Variants in COL19A1 observed in about 807,000 individuals in gnomAD.
The protein encoded by COL19A1 is collagen alpha-1(XIX) chain.
In COL19A1, 159 loss-of-function variants were observed where a neutral mutation model predicts 190.2. The observed-to-expected ratio is 0.84, with a 90% CI of 0.73 to 0.95. The LOEUF is 0.95. COL19A1 is among the 40% of genes least tolerant of loss of function. The probability of loss-of-function intolerance (pLI) is 0.00; values close to 1 mark genes in which losing one functional copy is unlikely to be tolerated. For missense variants in COL19A1, 1,418 were observed against 1,431.9 expected (o/e 0.99, Z 0.16); for synonymous variants, 509 against 458.9 (o/e 1.11, Z -1.39).
rs528863642 is a variant in COL19A1, at chr6:69,964,745, A to G, written c.1026+1875A>G. Among the ~76,000 whole-genome samples the G allele has an allele frequency of 2.0e-5, 3 of 152,298 alleles. No homozygotes were observed. The South Asian group carries it at 6.2e-4, about 32-fold the overall frequency. On this transcript the variant is annotated intron_variant, in intron 11 of 50. Transcript: ENST00000620364. ...TATATTAGAAAAAAATAAAGCATCA[A>G]ACAGAAAAGACAATATGTACCTTGA...
chr6:69,912,534 G>A (rs1425925210), intron 4 of COL19A1, among the ~76,000 whole-genome samples: 1 of 152,154 alleles, frequency 6.6e-6, no homozygotes, highest in Non-Finnish European at 1.5e-5. Flanking sequence ...CTCTCTCCAT[G>A]CAAATGCTAC....
In COL19A1 at chr6:69,997,633, G is replaced by A. The variant is rs564709112; in HGVS notation, c.1027-25994G>A. On this transcript the variant is annotated intron_variant, in intron 11 of 50. Transcript: ENST00000620364. ...CTAGCTAGACTCACAGTAGATTTGAGGTGGCAGAAGGAAAAATCAGTGAAC... is the reference window on the plus strand; with the variant it reads ...CTAGCTAGACTCACAGTAGATTTGAAGTGGCAGAAGGAAAAATCAGTGAAC... 2.0e-5 allele frequency among the ~76,000 whole-genome samples: 3 copies of A among 152,214 alleles called. No homozygotes were observed. In the East Asian group the frequency reaches 5.8e-4, roughly 29 times the overall value.
intron 11 of COL19A1, among the ~76,000 whole-genome samples, chr6:70,020,113 G>C (rs1380027140): frequency 6.6e-6 from 1 of 151,940 alleles, no homozygotes; most frequent in Non-Finnish European, 1.5e-5. Context: ...ATTATTAATT[G>C]CCATCTAGAA....
At chr6:70,098,518 T>A in intron 15 of COL19A1, 2 of 465,842 alleles carry the variant, frequency 4.3e-6, no homozygotes, top group Admixed American at 4.5e-5. Flanking sequence ...TATTATTTCA[T>A]CTTTAAGCCT....
At chr6:69,984,539 A>G (rs768864641) in intron 11 of COL19A1, among the ~76,000 whole-genome samples, 3 of 152,066 alleles carry the variant, frequency 2.0e-5, no homozygotes, top group Non-Finnish European at 2.9e-5. Flanking sequence ...TAATATTTAC[A>G]TCCTGTTCTT....
intron 2 of COL19A1, among the ~76,000 whole-genome samples, chr6:69,892,418 T>C (rs538605764): frequency 4.8e-4 from 73 of 152,362 alleles, no homozygotes; most frequent in African/African-American, 1.7e-3. Context: ...ATGATTTCTC[T>C]CTCTCCAGTC....
rs898862270 is a variant in COL19A1, at chr6:70,036,003, C to T, written c.1170+64C>T. 8.3e-6 allele frequency: 12 copies of T among 1,454,432 alleles called. No individual in the cohort carries two copies. In the African/African-American group the frequency reaches 1.7e-4, roughly 20 times the overall value. The allele number at this position is 1,454,432 out of a possible 1,614,324, so 90.1% of individuals were successfully genotyped here. ...ATTATTCTGTTTATTATCCATATTA[C>T]ATCATGACTAAACCAGAATTTAAGT... On this transcript the variant is annotated intron_variant, in intron 14 of 50. Coordinates refer to ENST00000620364, the MANE Select transcript of COL19A1 (RefSeq NM_001858.6).
At chr6:69,921,423 A>G (rs1433676110) in intron 4 of COL19A1, among the ~76,000 whole-genome samples, 1 of 127,004 alleles carries the variant, frequency 7.9e-6, no homozygotes, top group Non-Finnish European at 1.5e-5. Flanking sequence ...TATATCATAT[A>G]TATCATATAT....
intron 11 of COL19A1, among the ~76,000 whole-genome samples, chr6:69,967,821 G>A (rs998337220): frequency 2.6e-5 from 4 of 151,990 alleles, no homozygotes; most frequent in South Asian, 4.1e-4. Flanking sequence ...CCACAGACCC[G>A]TATTCTTAGT....
At chr6:69,888,253 C>G (rs1440200168) in intron 2 of COL19A1, among the ~76,000 whole-genome samples, 2 of 152,130 alleles carry the variant, frequency 1.3e-5, no homozygotes, top group African/African-American at 2.4e-5. Flanking sequence ...GATAAGGCAG[C>G]TCAAAAATTC....
chr6:69,984,785 G>C (rs1046367544), intron 11 of COL19A1, among the ~76,000 whole-genome samples: 1 of 152,108 alleles, frequency 6.6e-6, no homozygotes, highest in Non-Finnish European at 1.5e-5. Flanking sequence ...TATAGTTCTT[G>C]AAAGATTATT....
intron 9 of COL19A1, among the ~76,000 whole-genome samples, chr6:69,950,560 G>A (rs952546980): frequency 2.0e-5 from 3 of 151,640 alleles, no homozygotes; most frequent in African/African-American, 7.3e-5. Context: ...GGTAGCTGGC[G>A]ACTTCTGGTA....
At chr6:70,145,867 C>T (rs1786603998) in intron 25 of COL19A1, among the ~76,000 whole-genome samples, 1 of 151,708 alleles carries the variant, frequency 6.6e-6, no homozygotes, top group Non-Finnish European at 1.5e-5. Context: ...ACAACAGGCA[C>T]ACACCACCAA....
chr6:69,926,090 C>T lies in COL19A1; in HGVS notation c.267-1819C>T, dbSNP rs1250981755. On this transcript the variant is annotated intron_variant, in intron 4 of 50. Coordinates refer to ENST00000620364, the MANE Select transcript of COL19A1 (RefSeq NM_001858.6). The stretch of plus-strand genomic sequence containing the variant: ...GAATACCCTTTATTTCTTTCTCCTG[C>T]ATGATTGCCCTGGCCAGAACTTCCA... 1.2e-4 allele frequency among the ~76,000 whole-genome samples: 19 copies of T among 152,242 alleles called. 1 individual carries two copies. The South Asian group carries it at 3.5e-3, about 28-fold the overall frequency.
chr6:69,936,061 A>G (rs1773086474), intron 7 of COL19A1, among the ~76,000 whole-genome samples: 2 of 152,134 alleles, frequency 1.3e-5, no homozygotes, highest in Non-Finnish European at 2.9e-5. Flanking sequence ...GTGGAAAACT[A>G]TGGTGAGAAG....
intron 12 of COL19A1, among the ~76,000 whole-genome samples, chr6:70,024,771 G>A (rs1339289516): frequency 6.6e-6 from 1 of 152,162 alleles, no homozygotes; most frequent in East Asian, 1.9e-4. Flanking sequence ...CCAGAGAATA[G>A]GCACTAGCCC....
chr6:69,963,359 C>T (rs9454927), intron 11 of COL19A1, among the ~76,000 whole-genome samples: 5,532 of 152,136 alleles, frequency 0.036, 354 homozygotes, highest in African/African-American at 0.13. Flanking sequence ...TTAAAAAGTA[C>T]GGACAAGGTA....
intron 17 of COL19A1, among the ~76,000 whole-genome samples, chr6:70,128,550 A>G (rs1382217728): frequency 1.3e-5 from 2 of 152,230 alleles, no homozygotes; most frequent in Non-Finnish European, 2.9e-5. Context: ...AGAGGGCCAC[A>G]TCAGTGGACT....
Position 70,206,979 on chromosome 6 carries a change from G to GT in COL19A1, c.3301+2dup. On this transcript the variant is annotated splice_donor_variant, in intron 50 of 50. Transcript: ENST00000620364. LOFTEE classifies it high-confidence loss of function. ...AGTCCAGGTCTTCCTGGGACTTCAGGTAAGTGGGATATTGTCTTCACAACA... is the reference window on the plus strand; with the variant it reads ...AGTCCAGGTCTTCCTGGGACTTCAGGTTAAGTGGGATATTGTCTTCACAACA... 1 of 1,613,456 alleles carries GT rather than the reference G, an allele frequency of 6.2e-7. No individual in the cohort carries two copies. Among genetic ancestry groups the GT allele is most frequent in the Non-Finnish European group, 8.5e-7 (1 of 1,179,762 alleles).
Sources: allele counts gnomAD v4.1 joint callset (sites outside exome capture counted in the v4.1 genomes callset), GRCh38; gene constraint gnomAD v4.1.1; transcripts MANE v1.5; gene names NCBI Gene and HGNC (gene_info 2026-07-23, HGNC 2026-07-21).